NLRP6: variants seen among roughly 807,000 people sequenced by gnomAD.
The protein encoded by NLRP6 is NACHT, LRR and PYD domains-containing protein 6.
A neutral mutation model predicts 70.9 loss-of-function variants in NLRP6; 55 were observed. The ratio of observed to expected loss-of-function variants is 0.78; its 90% CI spans 0.62 to 0.97. The LOEUF (loss-of-function observed/expected upper bound fraction) is 0.97. NLRP6 is among the 50% of genes least tolerant of loss of function. The probability of loss-of-function intolerance (pLI) is 0.00; values close to 1 mark genes in which losing one functional copy is unlikely to be tolerated. For synonymous variants in NLRP6, 652 were observed against 581.9 expected, an observed-to-expected ratio of 1.12 and a Z score of -1.73; for missense variants, 1,241 against 1,238.3, an observed-to-expected ratio of 1.00 and a Z score of -0.03.
rs1845462778 is a variant in NLRP6, at chr11:280,818, T to TCC, written c.1084_1085insCC (p.Phe362SerfsTer15). On this transcript the variant is annotated frameshift_variant, in exon 4 of 8. Coordinates refer to ENST00000534750, the MANE Select transcript of NLRP6 (RefSeq NM_001276700.2). LOFTEE classifies it high-confidence loss of function. ...CAAGAAGAAGTATTTCTACAAGTAT[T>TCC]TCCGGGATGAGAGGAGGGCCGAGCG... The TCC allele has an allele frequency of 5.0e-6, 8 of 1,612,902 alleles. No homozygotes were observed. Among genetic ancestry groups the TCC allele is most frequent in the Non-Finnish European group, 5.9e-6 (7 of 1,179,868 alleles).
In NLRP6 at chr11:281,166, C is replaced by T. The variant is rs759758380; in HGVS notation, c.1432C>T (p.Leu478=). ...LELRGSKVQT[L]FLSKKELPGV... is the part of the protein sequence containing the mutation. ...GCTTCGTGGCTCCAAAGTGCAGACGCTGTTTCTCAGCAAAAAGGAGCTGCC... is the reference window on the plus strand; with the variant it reads ...GCTTCGTGGCTCCAAAGTGCAGACGTTGTTTCTCAGCAAAAAGGAGCTGCC... The change falls in exon 4 of 8, where the codon CTG becomes TTG. Residue 478 remains leucine (L), a synonymous_variant. Coordinates refer to ENST00000534750, the MANE Select transcript of NLRP6 (RefSeq NM_001276700.2). 17 of 1,613,020 alleles carry T rather than the reference C, an allele frequency of 1.1e-5. No homozygotes were observed. In the South Asian group the frequency reaches 1.8e-4, roughly 17 times the overall value.
Position 279,558 on chromosome 11 carries a change from G to A in NLRP6, c.261G>A (p.Arg87=), listed in dbSNP as rs199475796. Residue 87 remains arginine (R), a synonymous_variant, in exon 2 of 8, where the codon AGG becomes AGA. Transcript: ENST00000534750. ...ALEVARKTLK[R]ADARDVAAQL... is the part of the protein sequence containing the mutation. ...AGGTGGCCCGCAAGACCCTCAAGAG[G>A]GCGGACGCGCGCGACGTGGCGGCGC... The A allele has an allele frequency of 0.011, 15,163 of 1,434,950 alleles. 110 individuals carry two copies. Among genetic ancestry groups the A allele is most frequent in the Non-Finnish European group, 0.012 (13,683 of 1,098,166 alleles). 88.9% of individuals were successfully genotyped at this position (1,434,950 alleles called of 1,614,324 possible).
Position 279,378 on chromosome 11 carries a change from G to A in NLRP6, c.81G>A (p.Glu27=), listed in dbSNP as rs1405493699. Residue 27 remains glutamate, a synonymous_variant, in exon 2 of 8, where the codon GAG becomes GAA. Coordinates refer to ENST00000534750, the MANE Select transcript of NLRP6 (RefSeq NM_001276700.2). ...GCGAGCTGCTCCTGGCTGCGCTGGA[G>A]GAACTGAGCCAAGAGCAGCTGAAGC... ...VARELLLAAL[E]ELSQEQLKRF... is the part of the protein sequence containing the mutation. 6.0e-5 allele frequency: 79 copies of A among 1,322,238 alleles called. No individual in the cohort carries two copies. Among genetic ancestry groups the A allele is most frequent in the Non-Finnish European group, 7.4e-5 (77 of 1,036,634 alleles). The allele number at this position is 1,322,238 out of a possible 1,614,324, so 81.9% of individuals were successfully genotyped here. A position where few individuals can be genotyped will look rare whatever the true frequency, so the allele number is the denominator to read the frequency against.
Position 278,429 on chromosome 11 carries a change from C to A in NLRP6, c.-141C>A. On this transcript the variant is annotated 5_prime_UTR_variant, in exon 1 of 8. It adds an upstream start codon to the 5' untranslated region. Coordinates refer to ENST00000534750, the MANE Select transcript of NLRP6 (RefSeq NM_001276700.2). The surrounding 1 kb of genome is among the most constrained non-coding windows in gnomAD (Gnocchi z 4.7). Reference sequence around the variant, plus strand: ...GGTGCCCAACAGCATCTCGTGCCAGCTGAGCTGCGGTGTGTGGACCCGGGG... The same window carrying A: ...GGTGCCCAACAGCATCTCGTGCCAGATGAGCTGCGGTGTGTGGACCCGGGG... 1.6e-6 allele frequency: 1 copy of A among 606,574 alleles called. No individual in the cohort carries two copies. Among genetic ancestry groups the A allele is most frequent in the Non-Finnish European group, 2.8e-6 (1 of 352,256 alleles). The allele number at this position is 606,574 out of a possible 1,614,324, so 37.6% of individuals were successfully genotyped here. A position where few individuals can be genotyped will look rare whatever the true frequency, so the allele number is the denominator to read the frequency against.
At position 279,315 on chromosome 11, in the gene NLRP6, G is replaced by A. The variant is rs959470379; in HGVS notation, c.30-12G>A. On this transcript the variant is annotated splice_polypyrimidine_tract_variant and intron_variant, in intron 1 of 7. Coordinates refer to ENST00000534750, the MANE Select transcript of NLRP6 (RefSeq NM_001276700.2). ...GGCCGCTCCCCGATGACCCGCGCCC[G>A]CCCGCCTCCAGCACGGGGCCGCGCC... 9.3e-7 allele frequency: 1 copy of A among 1,069,596 alleles called. No individual in the cohort carries two copies. The highest frequency in any genetic ancestry group is 1.1e-6 in the Non-Finnish European group (1 of 876,172). The allele number at this position is 1,069,596 out of a possible 1,614,324, so 66.3% of individuals were successfully genotyped here. A position where few individuals can be genotyped will look rare whatever the true frequency, so the allele number is the denominator to read the frequency against.
chr11:283,566 G>A (rs954772184), intron 5 of NLRP6, among the ~76,000 whole-genome samples: 1 of 152,082 alleles, frequency 6.6e-6, no homozygotes, highest in African/African-American at 2.4e-5. Context: ...ACCCGCCTCT[G>A]CCTCCCAAAG....
At position 285,347 on chromosome 11, in the gene NLRP6, C is replaced by A. The variant is rs769923236; in HGVS notation, c.*43C>A. On this transcript the variant is annotated 3_prime_UTR_variant, in exon 8 of 8. Transcript: ENST00000534750. Reference sequence around the variant, plus strand: ...CAGGGTGGAAGACCCTAGTCAAAGTCCCTGTGGAGAGAACGGCCCATTCCA... The same window carrying A: ...CAGGGTGGAAGACCCTAGTCAAAGTACCTGTGGAGAGAACGGCCCATTCCA... The A allele has an allele frequency of 7.5e-6, 12 of 1,592,058 alleles. No homozygotes were observed. The East Asian group carries it at 1.8e-4, about 24-fold the overall frequency.
At position 285,193 on chromosome 11, in the gene NLRP6, G is replaced by A. The variant is rs748368305; in HGVS notation, c.2565G>A (p.Gln855=). The A allele has an allele frequency of 5.6e-6, 9 of 1,594,902 alleles. No homozygotes were observed. The highest frequency in any genetic ancestry group is 7.7e-6 in the Non-Finnish European group (9 of 1,170,318). ...TGGCCTCTGTGGAGCTGAGCGAGCA[G>A]TCACTACAGGAGCTTCAGGCTGTGA... The part of the protein sequence containing the change: ...LSLASVELSE[Q]SLQELQAVKR... Residue 855 remains glutamine (Q), a synonymous_variant, in exon 8 of 8, where the codon CAG becomes CAA. Transcript: ENST00000534750.
rs534716948 is a variant in NLRP6 at position 278,938 on chromosome 11, G to T, written c.29+340G>T. On this transcript the variant is annotated intron_variant, in intron 1 of 7. Coordinates refer to ENST00000534750, the MANE Select transcript of NLRP6 (RefSeq NM_001276700.2). This position sits in a 1 kb window ranked among gnomAD's most constrained non-coding sequence, Gnocchi z 4.7. ...GGGATCGGGAAGAGAGGGAAAAGAAGGAAAGCGAGGAAAGAGAGCTCAGGG... is the reference window on the plus strand; with the variant it reads ...GGGATCGGGAAGAGAGGGAAAAGAATGAAAGCGAGGAAAGAGAGCTCAGGG... 6.9e-5 allele frequency: 24 copies of T among 349,960 alleles called. No individual in the cohort carries two copies. The South Asian group carries it at 2.2e-3, about 32-fold the overall frequency. The allele number at this position is 349,960 out of a possible 1,614,324, so 21.7% of individuals were successfully genotyped here. A position where few individuals can be genotyped will look rare whatever the true frequency, so the allele number is the denominator to read the frequency against.
Position 280,718 on chromosome 11 carries a change from C to A in NLRP6, c.984C>A (p.Ala328=), listed in dbSNP as rs1366838307. 1.3e-6 allele frequency: 2 copies of A among 1,574,598 alleles called. No individual in the cohort carries two copies. The highest frequency in any genetic ancestry group is 4.5e-5 in the East Asian group (2 of 44,608). ...PTALLLVTTR[A]AAPGRLQGRL... ...CCCTCCTGCTGGTGACCACGCGCGC[C>A]GCCGCCCCCGGGAGGCTGCAGGGCC... The change falls in exon 4 of 8, where the codon GCC becomes GCA. Residue 328 remains alanine, a synonymous_variant. Transcript: ENST00000534750.
At chr11:279,721 AT>A in intron 2 of NLRP6, 112 bp from the exon 3 acceptor site, 2 of 1,344,642 alleles carry the variant, frequency 1.5e-6, no homozygotes, top group Non-Finnish European at 1.9e-6. Context: ...TTATCCACAA[AT>A]TCGCGGGCCC....
chr11:284,690 G>C, intron 7 of NLRP6, 48 bp downstream of exon 7: 1 of 1,528,608 alleles, frequency 6.5e-7, no homozygotes, highest in Non-Finnish European at 8.8e-7. Context: ...CTGTCAACCC[G>C]GGGAGGGGGA....
Position 278,471 on chromosome 11 carries a change from C to A in NLRP6, c.-99C>A. 1 of 1,041,508 alleles carries A rather than the reference C, an allele frequency of 9.6e-7. No individual in the cohort carries two copies. Among genetic ancestry groups the A allele is most frequent in the Non-Finnish European group, 1.4e-6 (1 of 733,584 alleles). The allele number at this position is 1,041,508 out of a possible 1,614,324, so 64.5% of individuals were successfully genotyped here. A position where few individuals can be genotyped will look rare whatever the true frequency, so the allele number is the denominator to read the frequency against. On this transcript the variant is annotated 5_prime_UTR_variant, in exon 1 of 8. Transcript: ENST00000534750. This position sits in a 1 kb window ranked among gnomAD's most constrained non-coding sequence, Gnocchi z 4.7. ...GACCCGGGGAATGGACCGGGCTGGACAACCTCTAAGACTTGGCTCCAGCTC... is the reference window on the plus strand; with the variant it reads ...GACCCGGGGAATGGACCGGGCTGGAAAACCTCTAAGACTTGGCTCCAGCTC...
Position 278,683 on chromosome 11 carries a change from G to A in NLRP6, c.29+85G>A. On this transcript the variant is annotated intron_variant, in intron 1 of 7. Transcript: ENST00000534750. The surrounding 1 kb of genome is among the most constrained non-coding windows in gnomAD (Gnocchi z 4.7). Reference sequence around the variant, plus strand: ...CCACCTCACCCGCTGACTTCCTCAGGCTCTCCACCCTTGTCCACATCCTTC... The same window carrying A: ...CCACCTCACCCGCTGACTTCCTCAGACTCTCCACCCTTGTCCACATCCTTC... 9.2e-7 allele frequency: 1 copy of A among 1,089,888 alleles called. No individual in the cohort carries two copies. Among genetic ancestry groups the A allele is most frequent in the Non-Finnish European group, 1.3e-6 (1 of 761,572 alleles). 67.5% of individuals were successfully genotyped at this position (1,089,888 alleles called of 1,614,324 possible).
rs925834006 is a variant in NLRP6 at position 278,985 on chromosome 11, G to C, written c.30-342G>C. 1.4e-5 allele frequency: 5 copies of C among 350,062 alleles called. No individual in the cohort carries two copies. In the East Asian group the frequency reaches 2.2e-4, roughly 16 times the overall value. The allele number at this position is 350,062 out of a possible 1,614,324, so 21.7% of individuals were successfully genotyped here. A position where few individuals can be genotyped will look rare whatever the true frequency, so the allele number is the denominator to read the frequency against. On this transcript the variant is annotated intron_variant, in intron 1 of 7. Transcript: ENST00000534750. This position sits in a 1 kb window ranked among gnomAD's most constrained non-coding sequence, Gnocchi z 4.7. ...AGGGTTCCTTGGAAATACCTCCCTC[G>C]GGGCATGTGACCTGTCCTGGGGTGT... is the stretch of plus-strand genomic sequence containing the variant.
intron 5 of NLRP6, 128 bp from the exon 6 acceptor site, chr11:284,102 G>C: frequency 1.2e-6 from 1 of 805,018 alleles, no homozygotes; most frequent in South Asian, 1.6e-5. Context: ...GAGGTCCAGG[G>C]AAGGATGTGG....
In NLRP6 at chr11:280,601, C is replaced by T; in HGVS notation, c.867C>T (p.Gly289=). Residue 289 remains glycine, a synonymous_variant, in exon 4 of 8, where the codon GGC becomes GGT. Transcript: ENST00000534750. ...CGGACGAGCTGCCGGCGCTGGGGGG[C>T]CCCGAGGCCGCGCCCTGCACAGACC... ...DGADELPALG[G]PEAAPCTDPF... is the part of the protein sequence containing the mutation. The T allele has an allele frequency of 6.9e-7, 1 of 1,444,520 alleles. No homozygotes were observed. The allele number at this position is 1,444,520 out of a possible 1,614,324, so 89.5% of individuals were successfully genotyped here.
At chr11:284,689 C>T (rs555344217) in intron 7 of NLRP6, 47 bp downstream of exon 7, 29 of 1,539,896 alleles carry the variant, frequency 1.9e-5, no homozygotes, top group African/African-American at 1.1e-4. Context: ...CCTGTCAACC[C>T]GGGGAGGGGG....
chr11:283,976 G>A (rs1015353475), intron 5 of NLRP6, among the ~76,000 whole-genome samples: 3 of 152,064 alleles, frequency 2.0e-5, no homozygotes, highest in African/African-American at 7.2e-5. Context: ...ACGATTGTGC[G>A]GCAAACATGT....
Sources: gnomAD v4.1 joint callset for allele counts (sites outside exome capture counted in the v4.1 genomes callset) on GRCh38, gnomAD v4.1.1 for gene constraint, Gnocchi (gnomAD v3.1) non-coding constraint, MANE v1.5 for transcripts, NCBI Gene and HGNC (gene_info 2026-07-23, HGNC 2026-07-21) for gene names.